The following CD82 variants were observed in gnomAD, a reference collection of about 807,000 sequenced individuals.
CD82 encodes CD82 antigen.
In CD82, 36 loss-of-function variants were observed where a neutral mutation model predicts 37.4. That is an observed-to-expected ratio of 0.96 (90% CI 0.74 to 1.27). The LOEUF (loss-of-function observed/expected upper bound fraction) is 1.27. Ranked by LOEUF, CD82 falls within the 50% of genes most tolerant of loss-of-function variation. The probability of loss-of-function intolerance (pLI) is 0.00; values close to 1 mark genes in which losing one functional copy is unlikely to be tolerated. For missense variants in CD82, 340 were observed against 347.0 expected, an observed-to-expected ratio of 0.98 and a Z score of 0.16; for synonymous variants, 158 against 137.4, an observed-to-expected ratio of 1.15 and a Z score of -1.05.
intron 4 of CD82, among the ~76,000 whole-genome samples, chr11:44,603,759 C>T (rs1355796639): frequency 2.0e-5 from 3 of 152,158 alleles, no homozygotes; most frequent in East Asian, 3.8e-4. Context: ...GGCCAAGTGC[C>T]CCTGCAGGAC....
chr11:44,569,709 C>G (rs1407424548), intron 1 of CD82, among the ~76,000 whole-genome samples: 2 of 152,136 alleles, frequency 1.3e-5, no homozygotes, highest in South Asian at 4.1e-4. Flanking sequence ...CTATTTTTAC[C>G]TTGTTTCCCC....
intron 6 of CD82, chr11:44,606,993 C>T (rs1463683596): frequency 1.3e-5 from 2 of 152,418 alleles, no homozygotes; most frequent in South Asian, 4.1e-4. Flanking sequence ...TGAGTTCACC[C>T]GTCCCCAGAC....
chr11:44,595,325 G>A (rs566207826), intron 3 of CD82, among the ~76,000 whole-genome samples: 15 of 152,248 alleles, frequency 9.9e-5, no homozygotes, highest in Admixed American at 5.2e-4. Flanking sequence ...CTGGGGCCTC[G>A]GTTTTCCTCT....
chr11:44,618,127 G>A (rs373889182), intron 7 of CD82, 35 bp from the exon 8 acceptor site: 151 of 1,600,724 alleles, frequency 9.4e-5, no homozygotes, highest in South Asian at 1.1e-4. Flanking sequence ...AGGGTGAGCC[G>A]TGAGCACAAG....
upstream of CD82, chr11:44,564,438 T>C (rs1444974615): frequency 1.5e-5 from 7 of 455,994 alleles, no homozygotes; most frequent in South Asian, 7.7e-5. Context: ...TGAGAGGACA[T>C]TGTGATAATG....
chr11:44,619,160 C>A lies in CD82; in HGVS notation c.*34C>A, dbSNP rs767273646. ...CTATCCCCATCTCCCTGCCTGGCCC[C>A]CAACCTCAGGGCTCCCAGGGGTCTC... On this transcript the variant is annotated 3_prime_UTR_variant, in exon 10 of 10. Transcript: ENST00000227155. The A allele has an allele frequency of 1.9e-6, 3 of 1,566,026 alleles. No individual in the cohort carries two copies. The highest frequency in any genetic ancestry group is 2.6e-6 in the Non-Finnish European group (3 of 1,136,336).
At chr11:44,584,020 G>A (rs1853018403) in intron 1 of CD82, among the ~76,000 whole-genome samples, 1 of 152,116 alleles carries the variant, frequency 6.6e-6, no homozygotes, top group Non-Finnish European at 1.5e-5. Flanking sequence ...GTGATTCCTG[G>A]GAAGGTCTGA....
intron 6 of CD82, among the ~76,000 whole-genome samples, chr11:44,610,381 A>G (rs955927725): frequency 6.6e-6 from 1 of 152,228 alleles, no homozygotes; most frequent in African/African-American, 2.4e-5. Context: ...CAACTCCGCA[A>G]CATGCTATTG....
At chr11:44,575,638 G>A (rs1852880472) in intron 1 of CD82, among the ~76,000 whole-genome samples, 1 of 152,168 alleles carries the variant, frequency 6.6e-6, no homozygotes, top group Non-Finnish European at 1.5e-5. Flanking sequence ...AGTGGGATGG[G>A]GCAGGGTGGG....
chr11:44,567,451 G>A (rs1270774305), intron 1 of CD82, among the ~76,000 whole-genome samples: 1 of 151,930 alleles, frequency 6.6e-6, no homozygotes, highest in Non-Finnish European at 1.5e-5. Flanking sequence ...GGCAGGGGGT[G>A]GGGGTAAGGA....
In CD82 at chr11:44,618,567, G is replaced by C. The variant is rs915176387; in HGVS notation, c.643-73G>C. On this transcript the variant is annotated intron_variant, in intron 8 of 9. Coordinates refer to ENST00000227155, the MANE Select transcript of CD82 (RefSeq NM_002231.4). ...GGGGCTTCCGGGCTGGGACTGGGGG[G>C]CTCTCGGTGGTTCTGCATGGCGGGG... is the stretch of plus-strand genomic sequence containing the variant. The C allele has an allele frequency of 4.5e-6, 6 of 1,319,532 alleles. No individual in the cohort carries two copies. The South Asian group carries it at 5.9e-5, about 13-fold the overall frequency. The allele number at this position is 1,319,532 out of a possible 1,614,324, so 81.7% of individuals were successfully genotyped here. A position where few individuals can be genotyped will look rare whatever the true frequency, so the allele number is the denominator to read the frequency against.
rs1437030027 is a variant in CD82 at position 44,619,080 on chromosome 11, G to A, written c.758G>A (p.Cys253Tyr). 1 of 1,613,144 alleles carries A rather than the reference G, an allele frequency of 6.2e-7. No individual in the cohort carries two copies. Among genetic ancestry groups the A allele is most frequent in the African/African-American group, 1.3e-5 (1 of 74,628 alleles). The change falls in exon 10 of 10, where the codon TGC becomes TAC. Residue 253 changes from cysteine to tyrosine, a missense_variant. Transcript: ENST00000227155. Reference protein sequence around the residue: ...LLGMVLSICLCRHVHSEDYSK... With the variant: ...LLGMVLSICLYRHVHSEDYSK... ...GGGATGGTCCTGTCCATCTGCTTGT[G>A]CCGGCACGTCCATTCCGAAGACTAC...
chr11:44,580,442 G>A (rs1351505213), intron 1 of CD82, among the ~76,000 whole-genome samples: 3 of 152,220 alleles, frequency 2.0e-5, no homozygotes, highest in Non-Finnish European at 4.4e-5. Flanking sequence ...GGAAAGGGTA[G>A]ACAGGCCAGG....
At chr11:44,589,758 C>T (rs1001160185) in intron 2 of CD82, among the ~76,000 whole-genome samples, 1 of 152,224 alleles carries the variant, frequency 6.6e-6, no homozygotes, top group Non-Finnish European at 1.5e-5. Flanking sequence ...AAGTCACAAT[C>T]AATTCCTGCC....
chr11:44,614,679 G>T (rs1006381862), intron 6 of CD82, among the ~76,000 whole-genome samples: 3 of 152,180 alleles, frequency 2.0e-5, no homozygotes, highest in Non-Finnish European at 4.4e-5. Flanking sequence ...TGATTGGTTG[G>T]GGGAGAGGGG....
chr11:44,596,613 G>T (rs1853231205), intron 3 of CD82, among the ~76,000 whole-genome samples: 1 of 152,178 alleles, frequency 6.6e-6, no homozygotes, highest in Non-Finnish European at 1.5e-5. Flanking sequence ...GCTCCTCCAG[G>T]GGCTGGCAGG....
chr11:44,614,476 T>A (rs1206197456), intron 6 of CD82, among the ~76,000 whole-genome samples: 3 of 152,248 alleles, frequency 2.0e-5, no homozygotes, highest in African/African-American at 7.2e-5. Flanking sequence ...AACTATTCTG[T>A]GCCAGGCTTG....
rs1255960535 is a variant in CD82, at chr11:44,597,756, A to T, written c.64-2402A>T. Among the ~76,000 whole-genome samples the T allele has an allele frequency of 6.6e-6, 1 of 152,208 alleles. No homozygotes were observed. The highest frequency in any genetic ancestry group is 1.5e-5 in the Non-Finnish European group (1 of 68,026). ...AGGGAATGGGGCAGGGGCTCTGCCC[A>T]CATGGGTCTGAGATGCAGAGGGAGC... On this transcript the variant is annotated intron_variant, in intron 3 of 9. Coordinates refer to ENST00000227155, the MANE Select transcript of CD82 (RefSeq NM_002231.4). The surrounding 1 kb of genome is among the most constrained non-coding windows in gnomAD (Gnocchi z 4.1).
chr11:44,577,113 A>C (rs1415811317), intron 1 of CD82, among the ~76,000 whole-genome samples: 1 of 152,088 alleles, frequency 6.6e-6, no homozygotes, highest in Non-Finnish European at 1.5e-5. Context: ...TGGGGAGGCA[A>C]GATAGGGTAG....
Sources: allele counts gnomAD v4.1 joint callset (sites outside exome capture counted in the v4.1 genomes callset), GRCh38; gene constraint gnomAD v4.1.1; non-coding constraint Gnocchi (gnomAD v3.1); transcripts MANE v1.5; gene names NCBI Gene and HGNC (gene_info 2026-07-23, HGNC 2026-07-21).